SAMSN1: variants seen among roughly 807,000 people sequenced by gnomAD.
SAMSN1 encodes the protein SAM domain, SH3 domain and nuclear localization signals 1.
In SAMSN1, 31 loss-of-function variants were observed where a neutral mutation model predicts 42.0. The observed-to-expected ratio is 0.74, with a 90% CI of 0.55 to 1.00. The LOEUF is 1.00. Among genes scored for constraint, SAMSN1 ranks in the 50% least tolerant of loss-of-function variants. The pLI is 0.00. For synonymous variants in SAMSN1, 178 were observed against 151.9 expected, an observed-to-expected ratio of 1.17 and a Z score of -1.26; for missense variants, 464 against 439.4, an observed-to-expected ratio of 1.06 and a Z score of -0.50.
chr21:14,619,545 C>T (rs1600967751), intron 2 of SAMSN1: 1 of 180,272 alleles, frequency 5.5e-6, no homozygotes, highest in Non-Finnish European at 1.4e-5. Flanking sequence ...TGGAATTGCA[C>T]AAGTCATTCA....
chr21:14,566,752 G>C (rs12162507), intron 2 of SAMSN1, among the ~76,000 whole-genome samples: 46,035 of 151,870 alleles, frequency 0.3, 7,364 homozygotes, highest in East Asian at 0.48. Context: ...TGGCCAGGCT[G>C]GTCTTGAACT....
At chr21:14,494,835 C>T (rs901510011) in intron 7 of SAMSN1, among the ~76,000 whole-genome samples, 4 of 151,880 alleles carry the variant, frequency 2.6e-5, no homozygotes, top group African/African-American at 9.7e-5. Context: ...TGGTTTTTTT[C>T]CCTGTTTTGT....
At chr21:14,648,296 G>T (rs76353815) in intron 1 of SAMSN1, among the ~76,000 whole-genome samples, 1 of 151,956 alleles carries the variant, frequency 6.6e-6, no homozygotes, top group Non-Finnish European at 1.5e-5. Context: ...TTAAACGTTA[G>T]ACCTAAAACC....
At chr21:14,646,616 A>G (rs1327542921) in intron 1 of SAMSN1, among the ~76,000 whole-genome samples, 1 of 152,220 alleles carries the variant, frequency 6.6e-6, no homozygotes, top group African/African-American at 2.4e-5. Context: ...AGACATATAC[A>G]GAATATTATA....
intron 7 of SAMSN1, among the ~76,000 whole-genome samples, chr21:14,488,547 ATAAAT>A (rs1430981316): frequency 2.6e-5 from 4 of 152,176 alleles, no homozygotes; most frequent in African/African-American, 9.6e-5. Flanking sequence ...AATAAAGTAA[ATAAAT>A]TAAAAACTGT....
upstream of SAMSN1, chr21:14,658,862 T>C (rs1983956222): frequency 2.9e-6 from 2 of 699,270 alleles, no homozygotes; most frequent in Non-Finnish European, 5.3e-6. Flanking sequence ...TTTGGCCAGT[T>C]CTCATGGGAG....
chr21:14,626,772 A>G (rs1983187797), intron 2 of SAMSN1, among the ~76,000 whole-genome samples: 1 of 152,214 alleles, frequency 6.6e-6, no homozygotes, highest in Non-Finnish European at 1.5e-5. Flanking sequence ...CCATCCCATT[A>G]CTGGGTATAT....
At chr21:14,543,207 A>T (rs1324239489) in intron 1 of SAMSN1, among the ~76,000 whole-genome samples, 1 of 152,184 alleles carries the variant, frequency 6.6e-6, no homozygotes, top group African/African-American at 2.4e-5. Flanking sequence ...CTGTTATAGA[A>T]TATCTCTGGT....
At chr21:14,512,389 T>C in intron 4 of SAMSN1, 55 bp downstream of exon 4, 2 of 1,582,536 alleles carry the variant, frequency 1.3e-6, no homozygotes, top group South Asian at 1.1e-5. Flanking sequence ...TGTTTTTTAA[T>C]TAATTTAACC....
At chr21:14,570,050 G>A (rs1012776543) in intron 2 of SAMSN1, among the ~76,000 whole-genome samples, 2 of 151,770 alleles carry the variant, frequency 1.3e-5, no homozygotes, top group African/African-American at 2.4e-5. Context: ...AATCATTCTG[G>A]GTTCACACAG....
intron 1 of SAMSN1, among the ~76,000 whole-genome samples, chr21:14,534,634 G>A (rs1291111225): frequency 1.3e-5 from 2 of 151,892 alleles, no homozygotes; most frequent in Non-Finnish European, 2.9e-5. Context: ...TCCTGCCTCA[G>A]CCTCCCAAGT....
intron 7 of SAMSN1, chr21:14,496,001 T>C (rs1986901044): frequency 6.6e-6 from 1 of 152,124 alleles, no homozygotes; most frequent in Admixed American, 6.6e-5. Context: ...TGAAGTGGAA[T>C]GAAAAAATTA....
Position 14,526,584 on chromosome 21 carries a change from G to C in SAMSN1, c.58-5363C>G, listed in dbSNP as rs531254584. On this transcript the variant is annotated intron_variant, in intron 1 of 7. Coordinates refer to ENST00000400566, the MANE Select transcript of SAMSN1 (RefSeq NM_022136.5). Reference sequence around the variant, plus strand: ...ACTGTTTCATGATATAAAGCTGGCAGTGTTCTTAGTTATCGTCTAGCTCTT... The same window carrying C: ...ACTGTTTCATGATATAAAGCTGGCACTGTTCTTAGTTATCGTCTAGCTCTT... Among the ~76,000 whole-genome samples the C allele has an allele frequency of 3.9e-5, 6 of 152,302 alleles. No homozygotes were observed. The East Asian group carries it at 7.7e-4, about 20-fold the overall frequency.
At chr21:14,493,886 G>A (rs1462195796) in intron 7 of SAMSN1, among the ~76,000 whole-genome samples, 1 of 152,088 alleles carries the variant, frequency 6.6e-6, no homozygotes, top group Non-Finnish European at 1.5e-5. Context: ...TGCTGGGATT[G>A]CAGAACCCCA....
intron 7 of SAMSN1, among the ~76,000 whole-genome samples, chr21:14,493,763 A>G (rs1048769292): frequency 6.6e-6 from 1 of 152,080 alleles, no homozygotes; most frequent in African/African-American, 2.4e-5. Context: ...TCTCACTCCA[A>G]TTTTTCTTCT....
At chr21:14,584,612 T>C (rs1981860928), upstream of SAMSN1, among the ~76,000 whole-genome samples, 1 of 152,198 alleles carries the variant, frequency 6.6e-6, no homozygotes, top group Non-Finnish European at 1.5e-5. Context: ...ATAAAAATCA[T>C]TGTGTTCTGT....
chr21:14,494,564 G>A (rs1396098725), intron 7 of SAMSN1, among the ~76,000 whole-genome samples: 2 of 152,100 alleles, frequency 1.3e-5, no homozygotes, highest in Admixed American at 6.6e-5. Flanking sequence ...TCAGGGGGTG[G>A]GGGGCTAGGG....
intron 1 of SAMSN1, among the ~76,000 whole-genome samples, chr21:14,653,046 G>A (rs456872): frequency 0.44 from 67,192 of 151,872 alleles, 17,285 homozygotes; most frequent in Non-Finnish European, 0.57. Context: ...GTAAATGCTG[G>A]TGAAGATGTG....
chr21:14,501,087 G>A (rs529317669), intron 5 of SAMSN1, among the ~76,000 whole-genome samples: 1 of 152,120 alleles, frequency 6.6e-6, no homozygotes, highest in South Asian at 2.1e-4. Context: ...AAGCTGCAGT[G>A]AGCTGTAATC....
Sources: allele counts gnomAD v4.1 joint callset (sites outside exome capture counted in the v4.1 genomes callset), GRCh38; gene constraint gnomAD v4.1.1; transcripts MANE v1.5; gene names NCBI Gene and HGNC (gene_info 2026-07-23, HGNC 2026-07-21).